Variants in IRS2 observed in about 807,000 individuals in gnomAD.
IRS2 encodes the protein insulin receptor substrate 2.
Under a neutral mutation model 70.9 loss-of-function variants are expected in IRS2, and 28 were observed. The ratio of observed to expected loss-of-function variants is 0.39; its 90% CI spans 0.29 to 0.54. IRS2 has a LOEUF of 0.54. IRS2 is among the 20% of genes least tolerant of loss of function. IRS2 has a pLI of 0.59. For missense variants in IRS2, 2,081 were observed against 2,024.1 expected (o/e 1.03, Z -0.54); for synonymous variants, 1,217 against 981.9 (o/e 1.24, Z -4.48).
At chr13:109,761,410 C>A (rs1364522601) in intron 1 of IRS2, among the ~76,000 whole-genome samples, 1 of 152,114 alleles carries the variant, frequency 6.6e-6, no homozygotes, top group South Asian at 2.1e-4. Flanking sequence ...GCAAGGAAAC[C>A]TTCCATGAGC....
intron 1 of IRS2, among the ~76,000 whole-genome samples, chr13:109,776,944 T>G (rs993166203): frequency 2.0e-5 from 3 of 152,244 alleles, no homozygotes; most frequent in Non-Finnish European, 4.4e-5. Context: ...GTTAATGTGT[T>G]TATAACCAAT....
chr13:109,786,363 C>A lies in IRS2; in HGVS notation c.-310G>T. 6.8e-6 allele frequency: 1 copy of A among 147,128 alleles called. No individual in the cohort carries two copies. Among genetic ancestry groups the A allele is most frequent in the South Asian group, 1.9e-4 (1 of 5,306 alleles). The allele number at this position is 147,128 out of a possible 1,614,324, so 9.1% of individuals were successfully genotyped here. ...CTCGGGCGGCGCCGGGGGACGCGCTCGCTGGGCCGGGAGTCGGGGTCCCCG... is the reference window on the plus strand; with the variant it reads ...CTCGGGCGGCGCCGGGGGACGCGCTAGCTGGGCCGGGAGTCGGGGTCCCCG... On this transcript the variant is annotated 5_prime_UTR_variant, in exon 1 of 2. Coordinates refer to ENST00000375856, the MANE Select transcript of IRS2 (RefSeq NM_003749.3). This position sits in a 1 kb window ranked among gnomAD's most constrained non-coding sequence, Gnocchi z 4.4.
At position 109,782,272 on chromosome 13, in the gene IRS2, T is replaced by C. The variant is rs771769346; in HGVS notation, c.3782A>G (p.Glu1261Gly). Reference sequence around the variant, plus strand: ...CTGCGGCTGGGGTGGCAGCCCGGGCTCCTCCCTCACGTCGATGGCGATGTA... The same window carrying C: ...CTGCGGCTGGGGTGGCAGCCCGGGCCCCTCCCTCACGTCGATGGCGATGTA... ...LNYIAIDVRE[E>G]PGLPPQPQPP... is the part of the protein sequence containing the mutation. The change falls in exon 1 of 2, where the codon GAG becomes GGG. Residue 1261 changes from glutamate to glycine, a missense_variant. This residue lies in a region of IRS2 where 1,615 missense variants were observed against 1,459.5 expected (regional missense o/e 1.11). Coordinates refer to ENST00000375856, the MANE Select transcript of IRS2 (RefSeq NM_003749.3). 5.0e-6 allele frequency: 8 copies of C among 1,609,760 alleles called. No individual in the cohort carries two copies. Among genetic ancestry groups the C allele is most frequent in the Non-Finnish European group, 6.8e-6 (8 of 1,178,886 alleles).
chr13:109,782,559 G>T lies in IRS2; in HGVS notation c.3495C>A (p.Phe1165Leu). Residue 1165 changes from phenylalanine to leucine, a missense_variant, in exon 1 of 2, where the codon TTC becomes TTA. Physicochemically the swap from Phe to Leu is conservative, Grantham distance 22. This residue lies in a region of IRS2 where 1,615 missense variants were observed against 1,459.5 expected (regional missense o/e 1.11). Coordinates refer to ENST00000375856, the MANE Select transcript of IRS2 (RefSeq NM_003749.3). ...TTTVTPVSPS[F>L]AHNPKRHNSA... is the part of the protein sequence containing the mutation. ...AGTTGTGGCGCTTGGGGTTGTGGGC[G>T]AAGGACGGGGACACGGGGGTGACCG... 13 of 1,565,940 alleles carry T rather than the reference G, an allele frequency of 8.3e-6. No homozygotes were observed. The highest frequency in any genetic ancestry group is 1.1e-5 in the Non-Finnish European group (13 of 1,155,644).
intron 1 of IRS2, among the ~76,000 whole-genome samples, chr13:109,761,686 T>G (rs2138912662): frequency 6.6e-6 from 1 of 151,722 alleles, no homozygotes; most frequent in South Asian, 2.1e-4. Context: ...GAAAAAAAAC[T>G]AACTTAAAAG....
Position 109,784,789 on chromosome 13 carries a change from C to T in IRS2, c.1265G>A (p.Gly422Glu). The change falls in exon 1 of 2, where the codon GGG becomes GAG. Residue 422 changes from glycine to glutamate, a missense_variant. Coordinates refer to ENST00000375856, the MANE Select transcript of IRS2 (RefSeq NM_003749.3). This position sits in a 1 kb window ranked among gnomAD's most constrained non-coding sequence, Gnocchi z 5.2. ...GGAGCGGCTGTGTTGCAGCGCGCCC[C>T]CTGCCGGCAGCAGCGCCACCTTGCT... ...RGSKVALLPA[G>E]GALQHSRSMS... 7.9e-7 allele frequency: 1 copy of T among 1,266,948 alleles called. No individual in the cohort carries two copies. The highest frequency in any genetic ancestry group is 1.0e-6 in the Non-Finnish European group (1 of 1,002,458). The allele number at this position is 1,266,948 out of a possible 1,614,324, so 78.5% of individuals were successfully genotyped here. A position where few individuals can be genotyped will look rare whatever the true frequency, so the allele number is the denominator to read the frequency against.
intron 1 of IRS2, among the ~76,000 whole-genome samples, chr13:109,777,001 G>A (rs571633484): frequency 2.0e-5 from 3 of 152,038 alleles, no homozygotes; most frequent in South Asian, 2.1e-4. Context: ...TCATTAAAAC[G>A]CCAACATTAA....
chr13:109,784,760 A>G lies in IRS2; in HGVS notation c.1294T>C (p.Ser432Pro). Residue 432 changes from serine to proline, a missense_variant, in exon 1 of 2, where the codon TCC (serine) becomes CCC (proline). By Grantham distance (74) the Ser-to-Pro change is moderately conservative (BLOSUM62 -1). Around this residue, in one of 4 missense-constraint regions of IRS2, gnomAD observed 1,615 missense variants for 1,459.5 expected, o/e 1.11. Coordinates refer to ENST00000375856, the MANE Select transcript of IRS2 (RefSeq NM_003749.3). This position sits in a 1 kb window ranked among gnomAD's most constrained non-coding sequence, Gnocchi z 5.2. ...GGCGGCGAGTGCGCCACGGGCATGGACATGGAGCGGCTGTGTTGCAGCGCG... is the reference window on the plus strand; with the variant it reads ...GGCGGCGAGTGCGCCACGGGCATGGGCATGGAGCGGCTGTGTTGCAGCGCG... ...GGALQHSRSM[S>P]MPVAHSPPAA... The G allele has an allele frequency of 8.0e-7, 1 of 1,245,088 alleles. No homozygotes were observed. Among genetic ancestry groups the G allele is most frequent in the Non-Finnish European group, 1.0e-6 (1 of 994,784 alleles). 77.1% of individuals were successfully genotyped at this position (1,245,088 alleles called of 1,614,324 possible). A position where few individuals can be genotyped will look rare whatever the true frequency, so the allele number is the denominator to read the frequency against.
At chr13:109,772,739 A>G in intron 1 of IRS2, among the ~76,000 whole-genome samples, 2 of 142,358 alleles carry the variant, frequency 1.4e-5, no homozygotes, top group Non-Finnish European at 3.1e-5. Context: ...GCCAGGCCGG[A>G]CTGCGGACTG....
chr13:109,776,174 G>GAA (rs1234514132), intron 1 of IRS2, among the ~76,000 whole-genome samples: 2 of 150,506 alleles, frequency 1.3e-5, no homozygotes, highest in Non-Finnish European at 3.0e-5. Flanking sequence ...AAAAAACCCA[G>GAA]CATTTACAGG....
chr13:109,761,488 AG>A (rs141454439), intron 1 of IRS2, among the ~76,000 whole-genome samples: 6,381 of 152,248 alleles, frequency 0.042, 161 homozygotes, highest in Admixed American at 0.056. Flanking sequence ...CAGAATTACA[AG>A]GGAAAATTGA....
Position 109,783,787 on chromosome 13 carries a change from G to A in IRS2, c.2267C>T (p.Ala756Val), listed in dbSNP as rs2138933676. 1 of 1,597,732 alleles carries A rather than the reference G, an allele frequency of 6.3e-7. No individual in the cohort carries two copies. Among genetic ancestry groups the A allele is most frequent in the Admixed American group, 1.7e-5 (1 of 58,510 alleles). ...WCGSKLSMEH[A>V]DGKLLPNGDY... ...CCCGTTGGGCAGCAGCTTGCCATCT[G>A]CATGCTCCATGGACAGCTTGGAACC... is the stretch of plus-strand genomic sequence containing the variant. Residue 756 changes from alanine to valine, a missense_variant, in exon 1 of 2, where the codon GCA becomes GTA. Around this residue, in one of 4 missense-constraint regions of IRS2, gnomAD observed 1,615 missense variants for 1,459.5 expected, o/e 1.11. Transcript: ENST00000375856.
chr13:109,782,638 T>A lies in IRS2; in HGVS notation c.3416A>T (p.Asp1139Val). ...GTGGCGGCGGCGGCCCCCCTGCGGG[T>A]CTGCGCGGATGACCTTGGCGCCGCG... Reference protein sequence around the residue: ...PHRGAKVIRADPQGGRRRHSS... With the variant: ...PHRGAKVIRAVPQGGRRRHSS... The change falls in exon 1 of 2, where the codon GAC (aspartate) becomes GTC (valine). Residue 1139 changes from aspartate (D) to valine (V), a missense_variant. By Grantham distance (152) the Asp-to-Val change is radical. This residue lies in a region of IRS2 where 1,615 missense variants were observed against 1,459.5 expected (regional missense o/e 1.11). Coordinates refer to ENST00000375856, the MANE Select transcript of IRS2 (RefSeq NM_003749.3). 6.4e-7 allele frequency: 1 copy of A among 1,567,842 alleles called. No individual in the cohort carries two copies. Among genetic ancestry groups the A allele is most frequent in the Non-Finnish European group, 8.6e-7 (1 of 1,159,534 alleles).
rs1877779559 is a variant in IRS2, at chr13:109,783,234, C to T, written c.2820G>A (p.Ala940=). 2.1e-6 allele frequency: 3 copies of T among 1,454,074 alleles called. No homozygotes were observed. The highest frequency in any genetic ancestry group is 2.8e-5 in the East Asian group (1 of 35,364). The allele number at this position is 1,454,074 out of a possible 1,614,324, so 90.1% of individuals were successfully genotyped here. The change falls in exon 1 of 2, where the codon GCG becomes GCA. Residue 940 remains alanine (A), a synonymous_variant. Transcript: ENST00000375856. ...AGAGCGAGGAGGACGAGGCCGCCGA[C>T]GCCAGCAGGGGAGGCGCGGGCGGCG... ...RLSPPAPPLL[A]SAASSSSLLS...
chr13:109,768,273 G>A (rs1303801886), intron 1 of IRS2, among the ~76,000 whole-genome samples: 4 of 152,264 alleles, frequency 2.6e-5, no homozygotes, highest in East Asian at 1.9e-4. Flanking sequence ...AAATTCTGAA[G>A]ATAGACCTAA....
intron 1 of IRS2, among the ~76,000 whole-genome samples, chr13:109,765,588 G>GCTCC (rs1877319630): frequency 7.7e-6 from 1 of 129,692 alleles, no homozygotes; most frequent in Non-Finnish European, 1.6e-5. Context: ...ATCCACCTTG[G>GCTCC]ATCCAACTCC....
rs1408562047 is a variant in IRS2 at position 109,784,038 on chromosome 13, G to T, written c.2016C>A (p.Ser672Arg). The T allele has an allele frequency of 2.6e-6, 4 of 1,542,852 alleles. No individual in the cohort carries two copies. Among genetic ancestry groups the T allele is most frequent in the Non-Finnish European group, 3.5e-6 (4 of 1,149,554 alleles). The change falls in exon 1 of 2, where the codon AGC becomes AGA. Residue 672 changes from serine to arginine, a missense_variant. By Grantham distance (110) the Ser-to-Arg change is moderately radical. Around this residue, in one of 4 missense-constraint regions of IRS2, gnomAD observed 1,615 missense variants for 1,459.5 expected, o/e 1.11. Coordinates refer to ENST00000375856, the MANE Select transcript of IRS2 (RefSeq NM_003749.3). This position sits in a 1 kb window ranked among gnomAD's most constrained non-coding sequence, Gnocchi z 5.2. ...CGGGGCTCATGGGCATGTAGTCGTCGCTCCTGCAGCTGCCGCTCCCACTGC... is the reference window on the plus strand; with the variant it reads ...CGGGGCTCATGGGCATGTAGTCGTCTCTCCTGCAGCTGCCGCTCCCACTGC... Reference protein sequence around the residue: ...LAGSGSGSCRSDDYMPMSPAS... With the variant: ...LAGSGSGSCRRDDYMPMSPAS...
chr13:109,761,496 T>C lies in IRS2; in HGVS notation c.4013-5188A>G, dbSNP rs142109862. Among the ~76,000 whole-genome samples the C allele has an allele frequency of 6.1e-4, 92 of 151,940 alleles. No individual in the cohort carries two copies. In the East Asian group the frequency reaches 0.017, roughly 28 times the overall value. ...TTAAACACAGAATTACAAGGGAAAA[T>C]TGACTTTTCAGTTGCAGGAGCAATT... On this transcript the variant is annotated intron_variant, in intron 1 of 1. Transcript: ENST00000375856.
intron 1 of IRS2, among the ~76,000 whole-genome samples, chr13:109,769,084 T>C (rs1877396736): frequency 6.6e-6 from 1 of 152,196 alleles, no homozygotes; most frequent in South Asian, 2.1e-4. Context: ...GTCCCAGTAG[T>C]TTCCCCAACC....
Sources: gnomAD v4.1 joint callset for allele counts (sites outside exome capture counted in the v4.1 genomes callset) on GRCh38, gnomAD v4.1.1 for gene constraint, gnomAD v4.1.1 regional missense constraint, Gnocchi (gnomAD v3.1) non-coding constraint, MANE v1.5 for transcripts, NCBI Gene and HGNC (gene_info 2026-07-23, HGNC 2026-07-21) for gene names.